Variants in FHIT observed in about 807,000 individuals in gnomAD.
FHIT encodes fragile histidine triad diadenosine triphosphatase.
In FHIT, 19 loss-of-function variants were observed where a neutral mutation model predicts 17.9. The ratio of observed to expected loss-of-function variants is 1.06; its 90% CI spans 0.74 to 1.56. The LOEUF (loss-of-function observed/expected upper bound fraction) is 1.56. FHIT is among the 40% of genes most tolerant of loss of function. FHIT has a pLI of 0.00. For synonymous variants in FHIT, 81 were observed against 69.7 expected (o/e 1.16, Z -0.81); for missense variants, 248 against 189.2 (o/e 1.31, Z -1.82).
chr3:59,962,219 A>C (rs909179984), intron 7 of FHIT, among the ~76,000 whole-genome samples: 1 of 152,210 alleles, frequency 6.6e-6, no homozygotes, highest in Non-Finnish European at 1.5e-5. Flanking sequence ...GCTTATAAGG[A>C]ATACTAAAAT....
chr3:60,261,721 C>A (rs1271980687), intron 5 of FHIT, among the ~76,000 whole-genome samples: 1 of 152,028 alleles, frequency 6.6e-6, no homozygotes, highest in African/African-American at 2.4e-5. Context: ...CACTTTGGCA[C>A]TGGAGGAAAC....
chr3:61,192,490 TA>T (rs2038745187), intron 2 of FHIT, among the ~76,000 whole-genome samples: 1 of 152,220 alleles, frequency 6.6e-6, no homozygotes. Flanking sequence ...CAGGATTCTA[TA>T]ATGCCTTCCC....
chr3:60,124,007 TATAGAGAG>T (rs1344792290), intron 5 of FHIT, among the ~76,000 whole-genome samples: 8 of 17,772 alleles, frequency 4.5e-4, no homozygotes, highest in Admixed American at 2.3e-3. Context: ...TATATATATA[TATAGAGAG>T]AGAGAGAGAG....
At chr3:60,048,788 T>C (rs1412647084) in intron 5 of FHIT, among the ~76,000 whole-genome samples, 1 of 152,234 alleles carries the variant, frequency 6.6e-6, no homozygotes, top group Non-Finnish European at 1.5e-5. Flanking sequence ...TTCACCGTGA[T>C]GCCCTCCGAT....
At chr3:60,212,021 G>A (rs1703474375) in intron 5 of FHIT, among the ~76,000 whole-genome samples, 1 of 152,256 alleles carries the variant, frequency 6.6e-6, no homozygotes, top group African/African-American at 2.4e-5. Flanking sequence ...AGTACACTAG[G>A]TTAAATTCTT....
At chr3:60,425,416 G>C (rs1441620768) in intron 5 of FHIT, among the ~76,000 whole-genome samples, 1 of 151,894 alleles carries the variant, frequency 6.6e-6, no homozygotes, top group Non-Finnish European at 1.5e-5. Context: ...TCCCACCCTG[G>C]GCCTCCATCA....
chr3:60,800,842 C>T (rs1446280889), intron 4 of FHIT, among the ~76,000 whole-genome samples: 2 of 152,094 alleles, frequency 1.3e-5, no homozygotes, highest in Non-Finnish European at 2.9e-5. Flanking sequence ...CTGTGGACTG[C>T]CCTTGACCAG....
intron 2 of FHIT, among the ~76,000 whole-genome samples, chr3:61,128,751 T>G (rs2036681336): frequency 6.6e-6 from 1 of 152,046 alleles, no homozygotes; most frequent in Non-Finnish European, 1.5e-5. Flanking sequence ...AGGGAAACAC[T>G]TATCTTGTGA....
At chr3:61,172,066 T>C (rs572645074) in intron 2 of FHIT, among the ~76,000 whole-genome samples, 1 of 152,352 alleles carries the variant, frequency 6.6e-6, no homozygotes, top group African/African-American at 2.4e-5. Flanking sequence ...TCAATCATTT[T>C]GTTTTGTGAG....
chr3:59,797,037 A>C (rs1006277236), intron 8 of FHIT, among the ~76,000 whole-genome samples: 3 of 152,184 alleles, frequency 2.0e-5, no homozygotes, highest in Non-Finnish European at 4.4e-5. Context: ...AAAACTTCAT[A>C]GGTTTCATCA....
intron 4 of FHIT, among the ~76,000 whole-genome samples, chr3:60,768,684 A>G (rs1343317062): frequency 6.6e-6 from 1 of 152,226 alleles, no homozygotes; most frequent in South Asian, 2.1e-4. Flanking sequence ...GTGCAGGCCA[A>G]CGGGCTACGA....
At chr3:60,765,938 C>T (rs2205342) in intron 4 of FHIT, among the ~76,000 whole-genome samples, 59,417 of 151,948 alleles carry the variant, frequency 0.39, 11,942 homozygotes, top group Non-Finnish European at 0.42. Context: ...GGTTCTTCAG[C>T]CTTTGGAACT....
At chr3:60,975,233 T>C (rs907984925) in intron 3 of FHIT, among the ~76,000 whole-genome samples, 6 of 152,214 alleles carry the variant, frequency 3.9e-5, no homozygotes, top group African/African-American at 1.4e-4. Flanking sequence ...ATAACCTTTA[T>C]GCACCTAATT....
At chr3:59,920,969 G>A (rs1243976227) in intron 8 of FHIT, among the ~76,000 whole-genome samples, 1 of 152,150 alleles carries the variant, frequency 6.6e-6, no homozygotes, top group Non-Finnish European at 1.5e-5. Flanking sequence ...TGATTCCTGA[G>A]TGCTGTGCAA....
chr3:60,748,875 A>C (rs2042411566), intron 4 of FHIT, among the ~76,000 whole-genome samples: 2 of 152,206 alleles, frequency 1.3e-5, no homozygotes, highest in South Asian at 4.1e-4. Context: ...TAAGTGCTAC[A>C]TAATTATTAC....
chr3:60,567,307 A>T (rs933263673), intron 4 of FHIT, among the ~76,000 whole-genome samples: 1 of 152,096 alleles, frequency 6.6e-6, no homozygotes, highest in Non-Finnish European at 1.5e-5. Flanking sequence ...ATAATGCCAC[A>T]TATCTACAAC....
rs66738538 is a variant in FHIT at position 61,065,296 on chromosome 3, T to C, written c.-163-23197A>G. Among the ~76,000 whole-genome samples the C allele has an allele frequency of 8.7e-4, 125 of 143,496 alleles. No homozygotes were observed. The South Asian group carries it at 9.8e-3, about 11-fold the overall frequency. The allele number at this position is 143,496 out of a possible 152,430, so 94.1% of individuals were successfully genotyped here. On this transcript the variant is annotated intron_variant, in intron 2 of 9. Transcript: ENST00000492590. ...ACACACACACACACACACACACACATACACACACAGGCTAAGATGTGCTCA... is the reference window on the plus strand; with the variant it reads ...ACACACACACACACACACACACACACACACACACAGGCTAAGATGTGCTCA...
intron 5 of FHIT, among the ~76,000 whole-genome samples, chr3:60,377,496 ACG>A: frequency 1.7e-5 from 1 of 57,258 alleles, no homozygotes; most frequent in Admixed American, 2.8e-4. Flanking sequence ...TTTTTTTGAG[ACG>A]GAGTCTCGCT....
At chr3:60,453,243 A>C (rs1194150664) in intron 5 of FHIT, among the ~76,000 whole-genome samples, 1 of 152,036 alleles carries the variant, frequency 6.6e-6, no homozygotes. Flanking sequence ...TCCACACCTG[A>C]ATGCTTCTAA....
Sources: gnomAD v4.1 joint callset for allele counts (sites outside exome capture counted in the v4.1 genomes callset) on GRCh38, gnomAD v4.1.1 for gene constraint, MANE v1.5 for transcripts, NCBI Gene and HGNC (gene_info 2026-07-23, HGNC 2026-07-21) for gene names.